Variants in LEF1 observed in about 807,000 individuals in gnomAD.
LEF1 encodes lymphoid enhancer binding factor 1.
In LEF1, 14 loss-of-function variants were observed where a neutral mutation model predicts 51.2. The ratio of observed to expected loss-of-function variants is 0.27; its 90% CI spans 0.18 to 0.43. The LOEUF is 0.43. Among genes scored for constraint, LEF1 ranks in the 20% least tolerant of loss-of-function variants. The pLI is 1.00. For missense variants in LEF1, 386 were observed against 512.0 expected, an observed-to-expected ratio of 0.75 and a Z score of 2.37; for synonymous variants, 185 against 183.2, an observed-to-expected ratio of 1.01 and a Z score of -0.08.
chr4:108,114,801 T>G lies in LEF1; in HGVS notation c.415-25544A>C, dbSNP rs185206317. Among the ~76,000 whole-genome samples the G allele has an allele frequency of 8.3e-4, 126 of 152,328 alleles. No individual in the cohort carries two copies. In the East Asian group the frequency reaches 0.017, roughly 21 times the overall value. On this transcript the variant is annotated intron_variant, in intron 3 of 11. Transcript: ENST00000265165. ...ACATCACGTTGAAGTGTATGTGCAA[T>G]GTCTGAGAGAACTACCCTTCCTTGT...
intron 3 of LEF1, among the ~76,000 whole-genome samples, chr4:108,160,014 G>A (rs1744968427): frequency 1.3e-5 from 2 of 152,204 alleles, no homozygotes; most frequent in Admixed American, 1.3e-4. Context: ...TGCAACGTTT[G>A]CTGCAGCTTC....
chr4:108,113,306 G>C (rs1020213179), intron 3 of LEF1, among the ~76,000 whole-genome samples: 1 of 152,202 alleles, frequency 6.6e-6, no homozygotes, highest in African/African-American at 2.4e-5. Flanking sequence ...GCTGCCAGGG[G>C]CATGTGTCAG....
intron 3 of LEF1, among the ~76,000 whole-genome samples, chr4:108,125,299 G>A (rs1048775173): frequency 6.6e-6 from 1 of 152,056 alleles, no homozygotes; most frequent in Non-Finnish European, 1.5e-5. Context: ...GAGTAGCTGG[G>A]ATTATAGGCA....
intron 3 of LEF1, among the ~76,000 whole-genome samples, chr4:108,127,285 C>T (rs1347808816): frequency 6.6e-6 from 1 of 152,134 alleles, no homozygotes; most frequent in Non-Finnish European, 1.5e-5. Flanking sequence ...CATGTCATGT[C>T]AAAACCCTTT....
rs149525803 is a variant in LEF1, at chr4:108,102,335, A to G, written c.415-13078T>C. 5.3e-5 allele frequency among the ~76,000 whole-genome samples: 8 copies of G among 152,280 alleles called. 1 individual carries two copies. The highest frequency in any genetic ancestry group is 1.7e-4 in the African/African-American group (7 of 41,558). On this transcript the variant is annotated intron_variant, in intron 3 of 11. Transcript: ENST00000265165. The stretch of plus-strand genomic sequence containing the variant: ...GATTTCTTCCAGCGTAGGGACCTGT[A>G]AGGCTGTGCTAATCATTACAACCTA...
intron 8 of LEF1, chr4:108,071,743 T>G (rs775165380): frequency 6.6e-6 from 1 of 152,114 alleles, no homozygotes; most frequent in Non-Finnish European, 1.5e-5. Context: ...GGGAGAACCA[T>G]CTGGGATTTG....
intron 3 of LEF1, among the ~76,000 whole-genome samples, chr4:108,144,702 G>A (rs1743886299): frequency 6.6e-6 from 1 of 151,948 alleles, no homozygotes; most frequent in Non-Finnish European, 1.5e-5. Context: ...GTGAACAGGA[G>A]ATGCCACAAG....
At chr4:108,160,474 A>G (rs1053138454) in intron 3 of LEF1, among the ~76,000 whole-genome samples, 1 of 152,130 alleles carries the variant, frequency 6.6e-6, no homozygotes, top group Non-Finnish European at 1.5e-5. Context: ...CTGACACCAA[A>G]TATGTCATGA....
Position 108,048,502 on chromosome 4 carries a change from A to T in LEF1, c.*256T>A. ...CTCATGTGCTTTTACATTTCCTTTT[A>T]AAAAACCTTTTTATGCTTTATTTTG... On this transcript the variant is annotated 3_prime_UTR_variant, in exon 12 of 12. Coordinates refer to ENST00000265165, the MANE Select transcript of LEF1 (RefSeq NM_016269.5). 1 of 435,306 alleles carries T rather than the reference A, an allele frequency of 2.3e-6. No individual in the cohort carries two copies. The highest frequency in any genetic ancestry group is 4.1e-6 in the Non-Finnish European group (1 of 245,774). The allele number at this position is 435,306 out of a possible 1,614,324, so 27.0% of individuals were successfully genotyped here. A position where few individuals can be genotyped will look rare whatever the true frequency, so the allele number is the denominator to read the frequency against.
chr4:108,157,168 CTATA>C lies in LEF1; in HGVS notation c.414+6396_414+6399del, dbSNP rs1162000209. 5.5e-4 allele frequency among the ~76,000 whole-genome samples: 74 copies of C among 133,846 alleles called. No homozygotes were observed. The East Asian group carries it at 0.011, about 20-fold the overall frequency. 87.8% of individuals were successfully genotyped at this position (133,846 alleles called of 152,430 possible). On this transcript the variant is annotated intron_variant, in intron 3 of 11. Transcript: ENST00000265165. ...CTTCATTCTCTCTCTCTCTCTCTCT[CTATA>C]TATATATACACACACACACACACAC...
At chr4:108,130,891 T>C (rs1328851776) in intron 3 of LEF1, among the ~76,000 whole-genome samples, 1 of 152,162 alleles carries the variant, frequency 6.6e-6, no homozygotes, top group African/African-American at 2.4e-5. Context: ...TTGAACAATA[T>C]TAAACTACTG....
At chr4:108,160,603 T>C (rs1460524767) in intron 3 of LEF1, among the ~76,000 whole-genome samples, 1 of 152,182 alleles carries the variant, frequency 6.6e-6, no homozygotes, top group African/African-American at 2.4e-5. Flanking sequence ...AGGATTCCAG[T>C]TCTAGAAGGA....
intron 3 of LEF1, among the ~76,000 whole-genome samples, chr4:108,145,258 C>T (rs1336500665): frequency 3.3e-5 from 5 of 152,082 alleles, no homozygotes; most frequent in African/African-American, 4.8e-5. Context: ...AATGTAAGCA[C>T]AAAAAACAGC....
intron 4 of LEF1, among the ~76,000 whole-genome samples, chr4:108,087,843 A>C (rs532364582): frequency 6.6e-6 from 1 of 152,244 alleles, no homozygotes; most frequent in Admixed American, 6.5e-5. Flanking sequence ...CACGACCAAG[A>C]CTGGTCCTCC....
chr4:108,099,550 G>GCATATA (rs1263620618), intron 3 of LEF1, among the ~76,000 whole-genome samples: 1,583 of 44,634 alleles, frequency 0.035, 90 homozygotes, highest in African/African-American at 0.08. Flanking sequence ...ATATGTGTGT[G>GCATATA]TGTGTATGTG....
chr4:108,093,036 C>T (rs1253994013), intron 3 of LEF1, among the ~76,000 whole-genome samples: 2 of 150,882 alleles, frequency 1.3e-5, no homozygotes, highest in African/African-American at 2.4e-5. Context: ...AAGTATATGC[C>T]TTTTTATTAT....
intron 3 of LEF1, among the ~76,000 whole-genome samples, chr4:108,145,812 T>C (rs1599266): frequency 1.5e-4 from 23 of 152,224 alleles, no homozygotes; most frequent in Non-Finnish European, 3.1e-4. Context: ...AATAGGTTAG[T>C]AGTTGCTTGG....
chr4:108,140,124 C>T (rs1198880050), intron 3 of LEF1, among the ~76,000 whole-genome samples: 1 of 152,108 alleles, frequency 6.6e-6, no homozygotes, highest in African/African-American at 2.4e-5. Context: ...TATCAAAACC[C>T]CTAATTTGCC....
chr4:108,145,191 G>A (rs989328588), intron 3 of LEF1, among the ~76,000 whole-genome samples: 1 of 152,144 alleles, frequency 6.6e-6, no homozygotes, highest in African/African-American at 2.4e-5. Flanking sequence ...TGGGGCCCCC[G>A]TTTGCTCTGT....
Sources: allele counts gnomAD v4.1 joint callset (sites outside exome capture counted in the v4.1 genomes callset), GRCh38; gene constraint gnomAD v4.1.1; transcripts MANE v1.5; gene names NCBI Gene and HGNC (gene_info 2026-07-23, HGNC 2026-07-21).